Variants in ZKSCAN1 observed in about 807,000 individuals in gnomAD.
The protein encoded by ZKSCAN1 is zinc finger with KRAB and SCAN domains 1.
A neutral mutation model predicts 51.6 loss-of-function variants in ZKSCAN1; 14 were observed. That is an observed-to-expected ratio of 0.27 (90% CI 0.18 to 0.42). ZKSCAN1 has a LOEUF of 0.42. Among genes scored for constraint, ZKSCAN1 ranks in the 10% least tolerant of loss-of-function variants. ZKSCAN1 has a pLI of 1.00. For synonymous variants in ZKSCAN1, 263 were observed against 261.5 expected, an observed-to-expected ratio of 1.01 and a Z score of -0.06; for missense variants, 531 against 710.0, an observed-to-expected ratio of 0.75 and a Z score of 2.86.
chr7:100,036,763 T>A lies in ZKSCAN1; in HGVS notation c.*2566T>A, dbSNP rs550037384. The stretch of plus-strand genomic sequence containing the variant: ...GAAACTGAAAAGTGAGGTGTGGAAC[T>A]CCAGGCAACGACCCAAGCACTTATT... On this transcript the variant is annotated 3_prime_UTR_variant, in exon 6 of 6. Coordinates refer to ENST00000324306, the MANE Select transcript of ZKSCAN1 (RefSeq NM_003439.4). 1.0e-6 allele frequency: 1 copy of A among 982,818 alleles called. No homozygotes were observed. The highest frequency in any genetic ancestry group is 4.7e-5 in the South Asian group (1 of 21,222). 60.9% of individuals were successfully genotyped at this position (982,818 alleles called of 1,614,324 possible).
At position 100,037,147 on chromosome 7, in the gene ZKSCAN1, C is replaced by G. The variant is rs1477791315; in HGVS notation, c.*2950C>G. The G allele has an allele frequency of 3.0e-6, 3 of 985,432 alleles. No individual in the cohort carries two copies. The highest frequency in any genetic ancestry group is 2.4e-6 in the Non-Finnish European group (2 of 829,932). 61.0% of individuals were successfully genotyped at this position (985,432 alleles called of 1,614,324 possible). A position where few individuals can be genotyped will look rare whatever the true frequency, so the allele number is the denominator to read the frequency against. On this transcript the variant is annotated 3_prime_UTR_variant, in exon 6 of 6. Transcript: ENST00000324306. ...AGTGTAATTGGGTCATGGTCAAAAACGCTTGCAACATCTAATTGGCGTTCA... is the reference window on the plus strand; with the variant it reads ...AGTGTAATTGGGTCATGGTCAAAAAGGCTTGCAACATCTAATTGGCGTTCA...
At chr7:100,022,101 A>T (rs1328451419) in intron 1 of ZKSCAN1, among the ~76,000 whole-genome samples, 59 of 152,050 alleles carry the variant, frequency 3.9e-4, no homozygotes, top group Non-Finnish European at 2.4e-4. Flanking sequence ...TGTGGCCAGG[A>T]TGGAGTGCAG....
At position 100,039,617 on chromosome 7, in the gene ZKSCAN1, C is replaced by A. The variant is rs1369920306; in HGVS notation, c.*5420C>A. On this transcript the variant is annotated 3_prime_UTR_variant, in exon 6 of 6. Transcript: ENST00000324306. ...TTTTATTCCAGGTAGTCATGCTGAT[C>A]TGCTTATCCAAAGCCAGCTAACCAG... 3.0e-6 allele frequency: 3 copies of A among 985,276 alleles called. No individual in the cohort carries two copies. Among genetic ancestry groups the A allele is most frequent in the Non-Finnish European group, 3.6e-6 (3 of 829,928 alleles). The allele number at this position is 985,276 out of a possible 1,614,324, so 61.0% of individuals were successfully genotyped here.
intron 1 of ZKSCAN1, among the ~76,000 whole-genome samples, chr7:100,016,004 C>G (rs1193831259): frequency 1.3e-5 from 2 of 152,178 alleles, no homozygotes; most frequent in African/African-American, 2.4e-5. Flanking sequence ...GTCTGTGGGC[C>G]CCTCTCCCGC....
rs1430782538 is a variant in ZKSCAN1, at chr7:100,033,939, G to C, written c.1434G>C (p.Lys478Asn). ...TCAGCCAGAGCTCGGACCTCACCAA[G>C]CATCAGAGAATTCACACGGGGGAGA... The part of the protein sequence containing the change: ...KAFSQSSDLT[K>N]HQRIHTGEKP... The change falls in exon 6 of 6, where the codon AAG becomes AAC. Residue 478 changes from lysine to asparagine, a missense_variant. Physicochemically the swap from Lys to Asn is moderately conservative, Grantham distance 94 (BLOSUM62 0). Coordinates refer to ENST00000324306, the MANE Select transcript of ZKSCAN1 (RefSeq NM_003439.4). The surrounding 1 kb of genome is among the most constrained non-coding windows in gnomAD (Gnocchi z 4.1). 1 of 1,614,192 alleles carries C rather than the reference G, an allele frequency of 6.2e-7. No individual in the cohort carries two copies. Among genetic ancestry groups the C allele is most frequent in the Non-Finnish European group, 8.5e-7 (1 of 1,180,028 alleles).
rs1352805865 is a variant in ZKSCAN1, at chr7:100,023,761, G to A, written c.255G>A (p.Leu85=). The A allele has an allele frequency of 1.9e-6, 3 of 1,614,218 alleles. No homozygotes were observed. Among genetic ancestry groups the A allele is most frequent in the Non-Finnish European group, 2.5e-6 (3 of 1,180,046 alleles). The change falls in exon 2 of 6, where the codon CTG becomes CTA. Residue 85 remains leucine, a synonymous_variant. Transcript: ENST00000324306. ...SRLKELCHQW[L]RPEINTKEQI... ...TGAAGGAACTTTGTCATCAGTGGCT[G>A]CGGCCAGAAATAAACACCAAGGAAC...
At chr7:100,025,030 T>C (rs1415974131) in intron 3 of ZKSCAN1, 2 of 151,904 alleles carry the variant, frequency 1.3e-5, no homozygotes, top group African/African-American at 4.8e-5. Flanking sequence ...AAATACAACT[T>C]ACAGACCAAT....
chr7:100,028,209 T>G (rs1006589427), intron 3 of ZKSCAN1, among the ~76,000 whole-genome samples: 2 of 152,012 alleles, frequency 1.3e-5, no homozygotes, highest in Middle Eastern at 3.2e-3. Flanking sequence ...AAAAACTAGC[T>G]GAGCGTGGTG....
At position 100,034,093 on chromosome 7, in the gene ZKSCAN1, T is replaced by C; in HGVS notation, c.1588T>C (p.Ser530Pro). Reference sequence around the variant, plus strand: ...GTGTGGCAAGGCCTTCACCCGCAGCTCCACCCTCACTCTGCATCACAGAAT... The same window carrying C: ...GTGTGGCAAGGCCTTCACCCGCAGCCCCACCCTCACTCTGCATCACAGAAT... ...TKCGKAFTRS[S>P]TLTLHHRIHA... Residue 530 changes from serine (S) to proline (P), a missense_variant, in exon 6 of 6, where the codon TCC (serine) becomes CCC (proline). Physicochemically the swap from Ser to Pro is moderately conservative, Grantham distance 74. Around this residue, in one of 2 missense-constraint regions of ZKSCAN1, gnomAD observed 128 missense variants for 219.5 expected, o/e 0.58. Transcript: ENST00000324306. The C allele has an allele frequency of 6.2e-7, 1 of 1,611,038 alleles. No individual in the cohort carries two copies. The highest frequency in any genetic ancestry group is 8.5e-7 in the Non-Finnish European group (1 of 1,178,948).
chr7:100,021,586 CTT>C (rs1352521491), intron 1 of ZKSCAN1, among the ~76,000 whole-genome samples: 2 of 152,054 alleles, frequency 1.3e-5, no homozygotes, highest in Admixed American at 6.6e-5. Context: ...TCATTGGTGA[CTT>C]TTTCTTTGAT....
chr7:100,039,986 G>A lies in ZKSCAN1; in HGVS notation c.*5789G>A. ...AAAGTTTTTCTAACATAGATTTAGG[G>A]TTTTTTTTTTTAGAGTGGACACACT... is the stretch of plus-strand genomic sequence containing the variant. On this transcript the variant is annotated 3_prime_UTR_variant, in exon 6 of 6. Transcript: ENST00000324306. 1.3e-6 allele frequency: 1 copy of A among 764,720 alleles called. No individual in the cohort carries two copies. The highest frequency in any genetic ancestry group is 1.6e-6 in the Non-Finnish European group (1 of 632,834). 47.4% of individuals were successfully genotyped at this position (764,720 alleles called of 1,614,324 possible). A position where few individuals can be genotyped will look rare whatever the true frequency, so the allele number is the denominator to read the frequency against.
At chr7:100,028,473 A>G (rs1025134117) in intron 3 of ZKSCAN1, among the ~76,000 whole-genome samples, 2 of 152,152 alleles carry the variant, frequency 1.3e-5, no homozygotes, top group African/African-American at 4.8e-5. Flanking sequence ...ATGTTTGAGC[A>G]CTGCATTCCA....
chr7:100,028,886 C>G (rs1790967375), intron 3 of ZKSCAN1, among the ~76,000 whole-genome samples: 1 of 151,732 alleles, frequency 6.6e-6, no homozygotes, highest in Non-Finnish European at 1.5e-5. Context: ...CAGAGGTGGC[C>G]GGACACAGTG....
chr7:100,019,733 A>T (rs574687465), intron 1 of ZKSCAN1, among the ~76,000 whole-genome samples: 6 of 149,448 alleles, frequency 4.0e-5, no homozygotes, highest in Non-Finnish European at 7.4e-5. Context: ...ATGGAGTCTC[A>T]CTCTGTTGCC....
intron 1 of ZKSCAN1, among the ~76,000 whole-genome samples, chr7:100,021,311 G>A (rs1790580068): frequency 6.6e-6 from 1 of 151,564 alleles, no homozygotes; most frequent in South Asian, 2.1e-4. Context: ...TAGTAGAGAC[G>A]GGGTTTCACG....
Position 100,037,614 on chromosome 7 carries a change from A to G in ZKSCAN1, c.*3417A>G, listed in dbSNP as rs536799608. 222 of 985,480 alleles carry G rather than the reference A, an allele frequency of 2.3e-4. No individual in the cohort carries two copies. The highest frequency in any genetic ancestry group is 2.1e-3 in the Middle Eastern group (4 of 1,914). 61.0% of individuals were successfully genotyped at this position (985,480 alleles called of 1,614,324 possible). ...GCTTATACTGTAAATAAACTTGATGAATATTATATGTGAGGAAAACTTTCA... is the reference window on the plus strand; with the variant it reads ...GCTTATACTGTAAATAAACTTGATGGATATTATATGTGAGGAAAACTTTCA... On this transcript the variant is annotated 3_prime_UTR_variant, in exon 6 of 6. Transcript: ENST00000324306.
At position 100,036,285 on chromosome 7, in the gene ZKSCAN1, C is replaced by G; in HGVS notation, c.*2088C>G. 1 of 985,374 alleles carries G rather than the reference C, an allele frequency of 1.0e-6. No homozygotes were observed. The allele number at this position is 985,374 out of a possible 1,614,324, so 61.0% of individuals were successfully genotyped here. A position where few individuals can be genotyped will look rare whatever the true frequency, so the allele number is the denominator to read the frequency against. On this transcript the variant is annotated 3_prime_UTR_variant, in exon 6 of 6. Coordinates refer to ENST00000324306, the MANE Select transcript of ZKSCAN1 (RefSeq NM_003439.4). Reference sequence around the variant, plus strand: ...TTCTACCCATGCAACGGAAGAAAAACCCATTACTCCAGAAGAGTATATCTA... The same window carrying G: ...TTCTACCCATGCAACGGAAGAAAAAGCCATTACTCCAGAAGAGTATATCTA...
downstream of ZKSCAN1, among the ~76,000 whole-genome samples, chr7:100,043,763 C>T (rs369092311): frequency 7.7e-6 from 1 of 129,420 alleles, no homozygotes; most frequent in Non-Finnish European, 1.7e-5. Context: ...TTTTTCTTTT[C>T]TTTCTTGATT....
Position 100,024,211 on chromosome 7 carries a change from C to G in ZKSCAN1, c.484C>G (p.Pro162Ala). 1 of 1,614,110 alleles carries G rather than the reference C, an allele frequency of 6.2e-7. No homozygotes were observed. Among genetic ancestry groups the G allele is most frequent in the Non-Finnish European group, 8.5e-7 (1 of 1,180,024 alleles). Reference sequence around the variant, plus strand: ...CGCAAGGGGGATGGTGCCTCTGGATCCAGTTCAGGAGTCCTCGAGCTTTGA... The same window carrying G: ...CGCAAGGGGGATGGTGCCTCTGGATGCAGTTCAGGAGTCCTCGAGCTTTGA... ...MLARGMVPLD[P>A]VQESSSFDLH... is the part of the protein sequence containing the mutation. The change falls in exon 3 of 6, where the codon CCA becomes GCA. Residue 162 changes from proline (P) to alanine (A), a missense_variant. Coordinates refer to ENST00000324306, the MANE Select transcript of ZKSCAN1 (RefSeq NM_003439.4).
Sources: allele counts gnomAD v4.1 joint callset (sites outside exome capture counted in the v4.1 genomes callset), GRCh38; gene constraint gnomAD v4.1.1; regional missense constraint gnomAD v4.1.1; non-coding constraint Gnocchi (gnomAD v3.1); transcripts MANE v1.5; gene names NCBI Gene and HGNC (gene_info 2026-07-23, HGNC 2026-07-21).